UST: variants seen among roughly 807,000 people sequenced by gnomAD.
UST encodes the protein chondroitin sulfate 2-O-sulfotransferase.
In UST, 21 loss-of-function variants were observed where a neutral mutation model predicts 45.6. The ratio of observed to expected loss-of-function variants is 0.46; its 90% CI spans 0.33 to 0.66. The LOEUF (loss-of-function observed/expected upper bound fraction) is 0.66, where lower values mean the gene tolerates loss of function less well. Ranked by LOEUF, UST falls within the 30% of genes least tolerant of loss-of-function variation. The pLI is 0.02. For missense variants in UST, 463 were observed against 512.4 expected (o/e 0.90, Z 0.93); for synonymous variants, 215 against 200.6 (o/e 1.07, Z -0.61).
chr6:148,990,376 T>A (rs1781325097), intron 5 of UST: 1 of 984,934 alleles, frequency 1.0e-6, no homozygotes, highest in African/African-American at 1.7e-5. Flanking sequence ...TCCAAATAGT[T>A]AAGCAGATCA....
At chr6:148,957,713 C>T (rs903815581) in intron 4 of UST, among the ~76,000 whole-genome samples, 1 of 152,138 alleles carries the variant, frequency 6.6e-6, no homozygotes, top group African/African-American at 2.4e-5. Flanking sequence ...GGATTACAGG[C>T]GTGAGCCACC....
At chr6:149,034,134 G>T (rs1776194889) in intron 7 of UST, among the ~76,000 whole-genome samples, 1 of 152,110 alleles carries the variant, frequency 6.6e-6, no homozygotes, top group Non-Finnish European at 1.5e-5. Flanking sequence ...TGACGTTGCT[G>T]TGACTATATA....
intron 1 of UST, 81 bp from the exon 2 acceptor site, chr6:148,886,905 A>C: frequency 8.7e-7 from 1 of 1,155,920 alleles, no homozygotes; most frequent in South Asian, 1.3e-5. Flanking sequence ...TATAACTAGA[A>C]TGCTTATCTT....
intron 1 of UST, among the ~76,000 whole-genome samples, chr6:148,821,546 G>A (rs1415941953): frequency 6.6e-6 from 1 of 152,180 alleles, no homozygotes; most frequent in African/African-American, 2.4e-5. Flanking sequence ...AGTATTTGGT[G>A]CTTAGTAACT....
chr6:148,933,338 T>C (rs1164688051), intron 2 of UST, among the ~76,000 whole-genome samples: 2 of 152,218 alleles, frequency 1.3e-5, no homozygotes, highest in Non-Finnish European at 2.9e-5. Context: ...AGATAGATTA[T>C]TTTTATTAAT....
intron 5 of UST, among the ~76,000 whole-genome samples, chr6:148,984,177 G>A (rs80035414): frequency 0.014 from 2,178 of 152,296 alleles, 43 homozygotes; most frequent in African/African-American, 0.05. Context: ...CAAATGCACA[G>A]CACCTACTCT....
chr6:148,794,284 C>G (rs149241213), intron 1 of UST, among the ~76,000 whole-genome samples: 16 of 152,332 alleles, frequency 1.1e-4, no homozygotes, highest in African/African-American at 3.8e-4. Context: ...TGAACCTTCT[C>G]TTTCCTCAGA....
rs6907690 is a variant in UST at position 148,942,231 on chromosome 6, G to T, written c.447+797G>T. 4.6e-3 allele frequency among the ~76,000 whole-genome samples: 698 copies of T among 152,172 alleles called. 3 individuals are homozygous for T. The highest frequency in any genetic ancestry group is 7.7e-3 in the Non-Finnish European group (526 of 68,010). On this transcript the variant is annotated intron_variant, in intron 3 of 7. Transcript: ENST00000367463. ...AGCAGCCACCCAATGAGTGGTACCTGCATGTTGGGAAGAAACAAGGAACAT... is the reference window on the plus strand; with the variant it reads ...AGCAGCCACCCAATGAGTGGTACCTTCATGTTGGGAAGAAACAAGGAACAT...
intron 1 of UST, among the ~76,000 whole-genome samples, chr6:148,847,200 A>T (rs543900521): frequency 2.0e-5 from 3 of 152,384 alleles, no homozygotes; most frequent in African/African-American, 7.2e-5. Context: ...CATACTTATT[A>T]TCTCCAGGTT....
At chr6:148,811,272 C>G (rs1309587113) in intron 1 of UST, among the ~76,000 whole-genome samples, 1 of 152,130 alleles carries the variant, frequency 6.6e-6, no homozygotes, top group Non-Finnish European at 1.5e-5. Context: ...ACAGACAAAC[C>G]TAGGCTTGTT....
chr6:148,846,946 G>A (rs1442323330), intron 1 of UST, among the ~76,000 whole-genome samples: 1 of 152,242 alleles, frequency 6.6e-6, no homozygotes, highest in African/African-American at 2.4e-5. Flanking sequence ...TGAGTGACCA[G>A]CCAGGCATGG....
chr6:149,001,493 G>A (rs564263477), intron 5 of UST, among the ~76,000 whole-genome samples: 4 of 152,318 alleles, frequency 2.6e-5, no homozygotes, highest in African/African-American at 9.6e-5. Flanking sequence ...AAGCAAAGCA[G>A]ATGACCAATG....
In UST at chr6:148,914,982, TCTGGTGACTGCCTGATTC is replaced by T. The variant is rs550340200; in HGVS notation, c.292-26291_292-26274del. Among the ~76,000 whole-genome samples, 96 of 152,268 alleles carry T rather than the reference TCTGGTGACTGCCTGATTC, an allele frequency of 6.3e-4. 2 individuals carry two copies. The highest frequency in any genetic ancestry group is 2.1e-3 in the African/African-American group (87 of 41,564). ...GGTCAAGATGCTGGCCGATTCAGTG[TCTGGTGACTGCCTGATTC>T]CTGGTTCACAGATGGTGCCTTCTCA... On this transcript the variant is annotated intron_variant, in intron 2 of 7. Transcript: ENST00000367463.
chr6:148,804,691 T>C (rs993987805), intron 1 of UST, among the ~76,000 whole-genome samples: 1 of 152,112 alleles, frequency 6.6e-6, no homozygotes, highest in Admixed American at 6.6e-5. Context: ...GAATATCATA[T>C]ACTGGAAATG....
chr6:148,966,185 C>T (rs1331424334), intron 5 of UST, among the ~76,000 whole-genome samples: 2 of 151,824 alleles, frequency 1.3e-5, no homozygotes, highest in African/African-American at 4.8e-5. Flanking sequence ...GATCGTGCTA[C>T]TGCACTCCAG....
chr6:148,854,861 T>C (rs1227786352), intron 1 of UST, among the ~76,000 whole-genome samples: 1 of 152,210 alleles, frequency 6.6e-6, no homozygotes, highest in African/African-American at 2.4e-5. Context: ...CCGATGTTAA[T>C]TATTCGCTAG....
Position 149,074,084 on chromosome 6 carries a change from GAA to G in UST, c.1192_1193del (p.Lys398ValfsTer7), listed in dbSNP as rs1562346844. On this transcript the variant is annotated frameshift_variant, in exon 8 of 8. Transcript: ENST00000367463. LOFTEE classifies it high-confidence loss of function. ...EPIDDEEQDDEKWLEDIYKR is the reference protein window; with the variant it reads ...EPIDDEEQDDXKWLEDIYKR ...AATCGACGATGAAGAACAGGATGAT[GAA>G]AAGTGGCTGGAAGATATTTATAAGA... 2 of 1,614,100 alleles carry G rather than the reference GAA, an allele frequency of 1.2e-6. No individual in the cohort carries two copies. The highest frequency in any genetic ancestry group is 2.7e-5 in the African/African-American group (2 of 74,952).
intron 1 of UST, among the ~76,000 whole-genome samples, chr6:148,783,175 G>A (rs555861216): frequency 6.6e-6 from 1 of 152,040 alleles, no homozygotes; most frequent in South Asian, 2.1e-4. Context: ...TAGCAATTAA[G>A]CATTTACAAT....
At chr6:148,814,479 A>G (rs1265212616) in intron 1 of UST, among the ~76,000 whole-genome samples, 1 of 152,108 alleles carries the variant, frequency 6.6e-6, no homozygotes, top group Non-Finnish European at 1.5e-5. Flanking sequence ...ATTCAACTGC[A>G]TTAAAAAAAA....
Sources: allele counts gnomAD v4.1 joint callset (sites outside exome capture counted in the v4.1 genomes callset), GRCh38; gene constraint gnomAD v4.1.1; transcripts MANE v1.5; gene names NCBI Gene and HGNC (gene_info 2026-07-23, HGNC 2026-07-21).